NKIRAS1: variants seen among roughly 807,000 people sequenced by gnomAD.
The protein encoded by NKIRAS1 is NF-kappa-B inhibitor-interacting Ras-like protein 1.
NKIRAS1 carries 16 observed loss-of-function variants against 19.8 expected under a neutral mutation model. That is an observed-to-expected ratio of 0.81 (90% CI 0.55 to 1.23). The LOEUF is 1.23. NKIRAS1 is among the 50% of genes most tolerant of loss of function. NKIRAS1 has a pLI of 0.00. For synonymous variants in NKIRAS1, 88 were observed against 79.0 expected (o/e 1.11, Z -0.61); for missense variants, 184 against 220.0 (o/e 0.84, Z 1.04).
chr3:23,910,911 T>TCCA lies in NKIRAS1; in HGVS notation c.-8_-7insTGG. On this transcript the variant is annotated 5_prime_UTR_variant, in exon 3 of 5. Coordinates refer to ENST00000425478, the MANE Select transcript of NKIRAS1 (RefSeq NM_020345.4). ...CCTTGCAGCCCTTTCCCATCTTCTC[T>TCCA]CAGGATATCACTGTGGAGAGAATAA... 1 of 1,612,602 alleles carries TCCA rather than the reference T, an allele frequency of 6.2e-7. No homozygotes were observed. Among genetic ancestry groups the TCCA allele is most frequent in the Non-Finnish European group, 8.5e-7 (1 of 1,178,616 alleles).
chr3:23,890,272 G>A lies in NKIRAS1; in HGVS notation c.*2823C>T, dbSNP rs555199469. Among the ~76,000 whole-genome samples, 1 of 152,238 alleles carries A rather than the reference G, an allele frequency of 6.6e-6. No homozygotes were observed. The highest frequency in any genetic ancestry group is 1.5e-5 in the Non-Finnish European group (1 of 68,012). On this transcript the variant is annotated 3_prime_UTR_variant, in exon 5 of 5. Coordinates refer to ENST00000425478, the MANE Select transcript of NKIRAS1 (RefSeq NM_020345.4). ...AGTGTTGTTTGTTGGGAGAAAAATG[G>A]AATGAACTAAGATAAAGACAGACCA...
intron 1 of NKIRAS1, among the ~76,000 whole-genome samples, chr3:23,941,530 T>C (rs1444974915): frequency 6.6e-6 from 1 of 152,212 alleles, no homozygotes; most frequent in African/African-American, 2.4e-5. Flanking sequence ...AAATCCACTA[T>C]GAATATTCTG....
intron 3 of NKIRAS1, among the ~76,000 whole-genome samples, chr3:23,901,770 CA>C (rs1702543744): frequency 6.6e-6 from 1 of 152,060 alleles, no homozygotes; most frequent in Admixed American, 6.6e-5. Flanking sequence ...TCCCAGTAAC[CA>C]CCTCCATATT....
At chr3:23,897,036 G>A (rs1464566364) in intron 4 of NKIRAS1, among the ~76,000 whole-genome samples, 1 of 151,900 alleles carries the variant, frequency 6.6e-6, no homozygotes, top group African/African-American at 2.4e-5. Context: ...GCAAGACCTT[G>A]TCTTTGCAAA....
Position 23,909,864 on chromosome 3 carries a change from GTT to G in NKIRAS1, c.94+945_94+946del, listed in dbSNP as rs201671440. On this transcript the variant is annotated intron_variant, in intron 3 of 4. Transcript: ENST00000425478. Reference sequence around the variant, plus strand: ...TGCAAAGTTGTTTTTGTTTTTTTTTGTTTTTTTTTTTTTGAGATGGAGTCTCG... The same window carrying G: ...TGCAAAGTTGTTTTTGTTTTTTTTTGTTTTTTTTTTTGAGATGGAGTCTCG... Among the ~76,000 whole-genome samples the G allele has an allele frequency of 2.2e-4, 30 of 135,552 alleles. 1 individual carries two copies. The highest frequency in any genetic ancestry group is 7.0e-4 in the South Asian group (3 of 4,302). The allele number at this position is 135,552 out of a possible 152,430, so 88.9% of individuals were successfully genotyped here.
Position 23,927,198 on chromosome 3 carries a change from C to T in NKIRAS1, c.-139-15748G>A, listed in dbSNP as rs945456914. On this transcript the variant is annotated intron_variant, in intron 1 of 4. Transcript: ENST00000421515. The surrounding 1 kb of genome is among the most constrained non-coding windows in gnomAD (Gnocchi z 4.0). ...AAATAAAGCCTTTTAGTATAAAATG[C>T]TGCTCAAGTTTTCTTTAGAAAAAGA... Among the ~76,000 whole-genome samples, 1 of 152,098 alleles carries T rather than the reference C, an allele frequency of 6.6e-6. No individual in the cohort carries two copies. The highest frequency in any genetic ancestry group is 1.5e-5 in the Non-Finnish European group (1 of 68,026).
chr3:23,945,057 A>T (rs1195565162), intron 1 of NKIRAS1, among the ~76,000 whole-genome samples: 1 of 151,742 alleles, frequency 6.6e-6, no homozygotes, highest in Non-Finnish European at 1.5e-5. Context: ...GCGGAGGGAA[A>T]CGGAGAAGAG....
chr3:23,898,324 A>G (rs894567707), intron 4 of NKIRAS1, among the ~76,000 whole-genome samples: 12 of 152,230 alleles, frequency 7.9e-5, no homozygotes, highest in African/African-American at 2.4e-4. Flanking sequence ...GGTACGTACC[A>G]TGGAATACTA....
intron 3 of NKIRAS1, among the ~76,000 whole-genome samples, chr3:23,910,292 G>A (rs1703554773): frequency 6.6e-6 from 1 of 151,696 alleles, no homozygotes; most frequent in African/African-American, 2.4e-5. Context: ...CAAGTAGCAG[G>A]ATTACAGCCA....
At chr3:23,941,987 A>T (rs55831796) in intron 1 of NKIRAS1, among the ~76,000 whole-genome samples, 63 of 24,798 alleles carry the variant, frequency 2.5e-3, no homozygotes, top group South Asian at 3.7e-3. Context: ...TTATTTATTT[A>T]TTTATTTTTG....
At chr3:23,945,691 CCGGTGGGG>C (rs1452394243) in intron 1 of NKIRAS1, 1 of 700,204 alleles carries the variant, frequency 1.4e-6, no homozygotes, top group Non-Finnish European at 1.9e-6. Flanking sequence ...GTCCCCATGG[CCGGTGGGG>C]CGGGGTGGGC....
At chr3:23,914,060 T>G (rs1704041723) in intron 1 of NKIRAS1, among the ~76,000 whole-genome samples, 1 of 152,142 alleles carries the variant, frequency 6.6e-6, no homozygotes, top group Admixed American at 6.5e-5. Context: ...TAAGAGAACG[T>G]GCTTAATAGG....
At chr3:23,943,627 T>C (rs897843579) in intron 1 of NKIRAS1, among the ~76,000 whole-genome samples, 1 of 152,280 alleles carries the variant, frequency 6.6e-6, no homozygotes, top group Non-Finnish European at 1.5e-5. Flanking sequence ...TTCTGCCTTC[T>C]AGACTGTTCA....
chr3:23,933,028 T>G (rs1221185515), intron 1 of NKIRAS1, among the ~76,000 whole-genome samples: 1 of 152,102 alleles, frequency 6.6e-6, no homozygotes, highest in Non-Finnish European at 1.5e-5. Context: ...TCAGGCCTAA[T>G]GTAATCACAA....
chr3:23,903,785 G>A (rs886846046), intron 3 of NKIRAS1, among the ~76,000 whole-genome samples: 4 of 152,122 alleles, frequency 2.6e-5, no homozygotes, highest in African/African-American at 9.7e-5. Context: ...GAACACAGAG[G>A]AAAGAAAGCA....
chr3:23,924,257 A>T (rs1285660680), intron 1 of NKIRAS1: 4 of 152,212 alleles, frequency 2.6e-5, no homozygotes, highest in African/African-American at 9.6e-5. Flanking sequence ...GTTGAGCATT[A>T]TTTGTACATT....
chr3:23,914,298 T>A (rs749116366), intron 1 of NKIRAS1, among the ~76,000 whole-genome samples: 1 of 152,300 alleles, frequency 6.6e-6, no homozygotes, highest in Admixed American at 6.5e-5. Flanking sequence ...TGTTCTTCTA[T>A]GTAAGTGGGC....
intron 1 of NKIRAS1, among the ~76,000 whole-genome samples, chr3:23,934,856 T>A (rs867496735): frequency 1.3e-5 from 2 of 148,830 alleles, no homozygotes; most frequent in African/African-American, 5.0e-5. Flanking sequence ...TTACAGAGAA[T>A]ATCAGAAGAC....
chr3:23,916,949 G>GC lies in NKIRAS1; in HGVS notation c.-306dup, dbSNP rs1378972306. 1 of 152,686 alleles carries GC rather than the reference G, an allele frequency of 6.5e-6. No homozygotes were observed. Among genetic ancestry groups the GC allele is most frequent in the African/African-American group, 2.4e-5 (1 of 41,474 alleles). The allele number at this position is 152,686 out of a possible 1,614,324, so 9.5% of individuals were successfully genotyped here. On this transcript the variant is annotated 5_prime_UTR_variant, in exon 1 of 5. Coordinates refer to ENST00000425478, the MANE Select transcript of NKIRAS1 (RefSeq NM_020345.4). Reference sequence around the variant, plus strand: ...CTCTCTCACCTCTCGAGACGCCCAGGCCGCTCAGGCTCGAATCTTGCGGAG... The same window carrying GC: ...CTCTCTCACCTCTCGAGACGCCCAGGCCCGCTCAGGCTCGAATCTTGCGGAG...
Sources: allele counts gnomAD v4.1 joint callset (sites outside exome capture counted in the v4.1 genomes callset), GRCh38; gene constraint gnomAD v4.1.1; non-coding constraint Gnocchi (gnomAD v3.1); transcripts MANE v1.5; gene names NCBI Gene and HGNC (gene_info 2026-07-23, HGNC 2026-07-21).